Variants in CACNA1E observed in about 807,000 individuals in gnomAD.
The protein encoded by CACNA1E is voltage-dependent R-type calcium channel subunit alpha-1E.
A neutral mutation model predicts 259.2 loss-of-function variants in CACNA1E; 40 were observed. The ratio of observed to expected loss-of-function variants is 0.15; its 90% CI spans 0.12 to 0.20. The LOEUF is 0.20. Ranked by LOEUF, CACNA1E falls within the 10% of genes least tolerant of loss-of-function variation. The probability of loss-of-function intolerance (pLI) is 1.00; values close to 1 mark genes in which losing one functional copy is unlikely to be tolerated. For synonymous variants in CACNA1E, 1,104 were observed against 1,138.5 expected (o/e 0.97, Z 0.61); for missense variants, 1,874 against 3,040.1 (o/e 0.62, Z 9.02).
At chr1:181,623,692 G>A (rs1057007234) in intron 6 of CACNA1E, among the ~76,000 whole-genome samples, 2 of 152,190 alleles carry the variant, frequency 1.3e-5, no homozygotes, top group Non-Finnish European at 2.9e-5. Context: ...CTATATTGTA[G>A]TCTATTAAGT....
intron 1 of CACNA1E, among the ~76,000 whole-genome samples, chr1:181,362,274 C>T (rs763745309): frequency 2.0e-5 from 3 of 152,228 alleles, no homozygotes; most frequent in Non-Finnish European, 4.4e-5. Context: ...TCCCTGGAGG[C>T]CCAAAGTCTC....
chr1:181,716,500 G>A (rs990917642), intron 10 of CACNA1E, among the ~76,000 whole-genome samples: 3 of 152,116 alleles, frequency 2.0e-5, no homozygotes, highest in East Asian at 3.9e-4. Context: ...CCAGGGACAC[G>A]GATGTGAGAT....
In CACNA1E at chr1:181,784,783, C is replaced by T. The variant is rs1660718007; in HGVS notation, c.5578+15C>T. The T allele has an allele frequency of 1.4e-6, 2 of 1,461,494 alleles. No homozygotes were observed. Among genetic ancestry groups the T allele is most frequent in the East Asian group, 2.4e-5 (1 of 40,962 alleles). The allele number at this position is 1,461,494 out of a possible 1,614,324, so 90.5% of individuals were successfully genotyped here. ...CATGCCCAAAGGTTTGGGTCTTCTC[C>T]TGGGTATCCTTGTCACTGTGGGCCC... On this transcript the variant is annotated intron_variant, in intron 41 of 47. Coordinates refer to ENST00000367573, the MANE Select transcript of CACNA1E (RefSeq NM_001205293.3).
intron 6 of CACNA1E, among the ~76,000 whole-genome samples, chr1:181,620,239 A>G (rs1558193003): frequency 6.6e-6 from 1 of 152,128 alleles, no homozygotes; most frequent in Non-Finnish European, 1.5e-5. Context: ...AAGGGGGTGG[A>G]TCAGCTTAAG....
chr1:181,707,953 G>A (rs1207356086), intron 7 of CACNA1E, among the ~76,000 whole-genome samples: 1 of 152,176 alleles, frequency 6.6e-6, no homozygotes, highest in African/African-American at 2.4e-5. Context: ...AAAGGGATGG[G>A]GAAGAGGTAG....
intron 6 of CACNA1E, among the ~76,000 whole-genome samples, chr1:181,649,671 C>T (rs535110079): frequency 6.6e-6 from 1 of 152,208 alleles, no homozygotes; most frequent in African/African-American, 2.4e-5. Context: ...TACTATGTAG[C>T]CTTAAAAAAA....
intron 3 of CACNA1E, among the ~76,000 whole-genome samples, chr1:181,565,706 G>A (rs943452951): frequency 3.3e-5 from 5 of 152,216 alleles, no homozygotes; most frequent in African/African-American, 1.2e-4. Flanking sequence ...TTTGTGGGCA[G>A]TGCTGGATTA....
At chr1:181,458,848 TCC>T (rs1661624028) in intron 2 of CACNA1E, among the ~76,000 whole-genome samples, 2 of 148,586 alleles carry the variant, frequency 1.3e-5, no homozygotes, top group Non-Finnish European at 2.9e-5. Context: ...CATCCATCCA[TCC>T]ATCCATCCAT....
chr1:181,757,952 G>A lies in CACNA1E; in HGVS notation c.4335G>A (p.Ala1445=), dbSNP rs779279181. 50 of 1,613,726 alleles carry A rather than the reference G, an allele frequency of 3.1e-5. No homozygotes were observed. The highest frequency in any genetic ancestry group is 1.5e-4 in the Admixed American group (9 of 59,998). ...EECSLEKNER[A]CIDFAISAKP... ...TAACCATGACTTTCTTGCAGAGGGC[G>A]TGCATCGACTTCGCCATCAGCGCCA... Residue 1445 remains alanine (A), a synonymous_variant, in exon 31 of 48, where the codon GCG becomes GCA. Transcript: ENST00000367573.
At chr1:181,629,904 TG>T (rs1163372835) in intron 6 of CACNA1E, among the ~76,000 whole-genome samples, 1 of 152,194 alleles carries the variant, frequency 6.6e-6, no homozygotes, top group African/African-American at 2.4e-5. Flanking sequence ...TGCGTCTGTG[TG>T]GGTCTACTTT....
At chr1:181,762,696 C>A in intron 33 of CACNA1E, 39 bp downstream of exon 33, 3 of 1,269,658 alleles carry the variant, frequency 2.4e-6, no homozygotes, top group Non-Finnish European at 3.4e-6. Context: ...AAGCTTGGCC[C>A]TGGAGTAGCA....
chr1:181,372,235 A>G (rs1400301595), intron 1 of CACNA1E, among the ~76,000 whole-genome samples: 1 of 152,120 alleles, frequency 6.6e-6, no homozygotes, highest in Non-Finnish European at 1.5e-5. Context: ...TGAGCATAAA[A>G]TATTTTTTCC....
rs1019316388 is a variant in CACNA1E, at chr1:181,717,292, C to T, written c.1515C>T (p.Thr505=). ...IVHHNQPQWL[T]HLLYYAEFLF... is the part of the protein sequence containing the mutation. ...ATCACAACCAGCCCCAGTGGCTCACCCACCTCCTCTGTAAGTAAAGCCTCT... is the reference window on the plus strand; with the variant it reads ...ATCACAACCAGCCCCAGTGGCTCACTCACCTCCTCTGTAAGTAAAGCCTCT... The change falls in exon 11 of 48, where the codon ACC becomes ACT. Residue 505 remains threonine, a synonymous_variant. Transcript: ENST00000367573. 1 of 1,612,914 alleles carries T rather than the reference C, an allele frequency of 6.2e-7. No homozygotes were observed. Among genetic ancestry groups the T allele is most frequent in the Non-Finnish European group, 8.5e-7 (1 of 1,179,428 alleles).
intron 2 of CACNA1E, among the ~76,000 whole-genome samples, chr1:181,464,862 C>T (rs2102389485): frequency 6.6e-6 from 1 of 152,144 alleles, no homozygotes; most frequent in Admixed American, 6.5e-5. Context: ...GACCATCCTG[C>T]CCACTTTACG....
chr1:181,605,798 T>C (rs1654180739), intron 6 of CACNA1E, among the ~76,000 whole-genome samples: 1 of 152,146 alleles, frequency 6.6e-6, no homozygotes, highest in South Asian at 2.1e-4. Flanking sequence ...TTGAGGAGCT[T>C]CTCAGCATAT....
intron 6 of CACNA1E, among the ~76,000 whole-genome samples, chr1:181,632,292 C>T (rs952973343): frequency 3.3e-5 from 5 of 151,958 alleles, no homozygotes; most frequent in African/African-American, 1.2e-4. Flanking sequence ...TCCAGAGGAG[C>T]CAGTTTATAG....
intron 3 of CACNA1E, among the ~76,000 whole-genome samples, chr1:181,534,787 C>A (rs1158809453): frequency 1.3e-5 from 2 of 152,066 alleles, no homozygotes; most frequent in Non-Finnish European, 2.9e-5. Flanking sequence ...GTGAGGCAAG[C>A]AGAATGTGTG....
chr1:181,406,178 C>T (rs1657449838), intron 1 of CACNA1E, among the ~76,000 whole-genome samples: 1 of 152,176 alleles, frequency 6.6e-6, no homozygotes, highest in South Asian at 2.1e-4. Context: ...TCTCTCTTTC[C>T]CATCTTCCAG....
intron 21 of CACNA1E, among the ~76,000 whole-genome samples, chr1:181,735,487 G>A (rs1397703883): frequency 6.6e-6 from 1 of 152,190 alleles, no homozygotes; most frequent in Non-Finnish European, 1.5e-5. Context: ...GAGGGTGACT[G>A]GGGCCCTTTC....
Sources: gnomAD v4.1 joint callset for allele counts (sites outside exome capture counted in the v4.1 genomes callset) on GRCh38, gnomAD v4.1.1 for gene constraint, MANE v1.5 for transcripts, NCBI Gene and HGNC (gene_info 2026-07-23, HGNC 2026-07-21) for gene names.